The following ANP32B variants were observed in gnomAD, a reference collection of about 807,000 sequenced individuals.
ANP32B encodes acidic leucine-rich nuclear phosphoprotein 32 family member B.
ANP32B carries 6 observed loss-of-function variants against 32.2 expected under a neutral mutation model. The ratio of observed to expected loss-of-function variants is 0.19; its 90% CI spans 0.10 to 0.37. The LOEUF is 0.37. ANP32B is among the 10% of genes least tolerant of loss of function. The pLI, the probability that ANP32B is intolerant of heterozygous loss-of-function variation, is 1.00. For missense variants in ANP32B, 204 were observed against 289.2 expected (o/e 0.71, Z 2.14); for synonymous variants, 98 against 105.8 (o/e 0.93, Z 0.45).
chr9:97,985,221 G>C (rs912681572), intron 1 of ANP32B, among the ~76,000 whole-genome samples: 4 of 152,086 alleles, frequency 2.6e-5, no homozygotes, highest in African/African-American at 9.7e-5. Context: ...AGGTGGCTGT[G>C]GTTAACAAGT....
intron 2 of ANP32B, among the ~76,000 whole-genome samples, chr9:97,996,399 G>A (rs192010514): frequency 2.6e-5 from 4 of 152,158 alleles, no homozygotes; most frequent in African/African-American, 9.7e-5. Context: ...TTCTGAGAAG[G>A]ACAGGGTTTT....
chr9:97,983,719 C>A, intron 1 of ANP32B, 110 bp downstream of exon 1: 2 of 825,882 alleles, frequency 2.4e-6, no homozygotes, highest in Non-Finnish European at 3.4e-6. Context: ...GGGAAGAGCG[C>A]AGCTCGTGGG....
intron 4 of ANP32B, among the ~76,000 whole-genome samples, chr9:98,007,101 CAG>C (rs748678905): frequency 2.0e-4 from 31 of 152,200 alleles, no homozygotes; most frequent in Admixed American, 6.5e-4. Flanking sequence ...ACGTGAAAAA[CAG>C]AGGCAATTAT....
intron 6 of ANP32B, among the ~76,000 whole-genome samples, chr9:98,014,668 G>A (rs1564142908): frequency 6.6e-6 from 1 of 152,124 alleles, no homozygotes; most frequent in Non-Finnish European, 1.5e-5. Flanking sequence ...CCATTTTACA[G>A]ATGAAAAAGG....
intron 4 of ANP32B, among the ~76,000 whole-genome samples, chr9:98,008,201 C>A (rs1828120023): frequency 6.6e-6 from 1 of 152,106 alleles, no homozygotes; most frequent in Admixed American, 6.6e-5. Context: ...CATTCAGCCC[C>A]CACTTACAAG....
chr9:97,997,831 G>C (rs7855432), intron 2 of ANP32B, among the ~76,000 whole-genome samples: 574 of 152,142 alleles, frequency 3.8e-3, no homozygotes, highest in Non-Finnish European at 6.5e-3. Flanking sequence ...TCTACTCTAA[G>C]ATTCTAATAT....
intron 3 of ANP32B, among the ~76,000 whole-genome samples, chr9:98,004,205 A>T (rs959611751): frequency 6.6e-6 from 1 of 152,240 alleles, no homozygotes; most frequent in African/African-American, 2.4e-5. Context: ...CTGTTTTTAG[A>T]TAGATGAAAC....
chr9:97,983,411 ACGCCGCCCGCCACCCAGGACCG>A lies in ANP32B; in HGVS notation c.-137_-116del. Reference sequence around the variant, plus strand: ...CCGGGGGCTCCGCTCGCCTGCCCGCACGCCGCCCGCCACCCAGGACCGCGCCGCCGGCCTCCGCCGCTAGCAA... The same window carrying A: ...CCGGGGGCTCCGCTCGCCTGCCCGCACGCCGCCGGCCTCCGCCGCTAGCAA... On this transcript the variant is annotated 5_prime_UTR_variant, in exon 1 of 7. Coordinates refer to ENST00000339399, the MANE Select transcript of ANP32B (RefSeq NM_006401.3). The A allele has an allele frequency of 1.6e-6, 1 of 644,632 alleles. No homozygotes were observed. The highest frequency in any genetic ancestry group is 2.6e-6 in the Non-Finnish European group (1 of 386,328). The allele number at this position is 644,632 out of a possible 1,614,324, so 39.9% of individuals were successfully genotyped here.
intron 2 of ANP32B, among the ~76,000 whole-genome samples, chr9:97,997,513 G>C (rs1049805840): frequency 3.9e-5 from 6 of 152,158 alleles, no homozygotes. Context: ...AGCCTGCCTG[G>C]CTTCAAATCA....
At chr9:97,985,884 C>T (rs1242542053) in intron 1 of ANP32B, among the ~76,000 whole-genome samples, 1 of 152,100 alleles carries the variant, frequency 6.6e-6, no homozygotes, top group East Asian at 1.9e-4. Flanking sequence ...TGCAATGGCA[C>T]TATCTCGGCT....
In ANP32B at chr9:97,983,493, C is replaced by T; in HGVS notation, c.-63C>T. 7.0e-7 allele frequency: 1 copy of T among 1,423,070 alleles called. No homozygotes were observed. The highest frequency in any genetic ancestry group is 9.6e-7 in the Non-Finnish European group (1 of 1,041,794). The allele number at this position is 1,423,070 out of a possible 1,614,324, so 88.2% of individuals were successfully genotyped here. A position where few individuals can be genotyped will look rare whatever the true frequency, so the allele number is the denominator to read the frequency against. ...ACGGCCCTCGCTGCGCAAGCCGGGA[C>T]GCCTCTCCCCCCTCCGCCCCCGCCG... On this transcript the variant is annotated 5_prime_UTR_variant, in exon 1 of 7. In the 5' UTR this introduces an upstream ATG that the reference lacks. Coordinates refer to ENST00000339399, the MANE Select transcript of ANP32B (RefSeq NM_006401.3).
At chr9:97,984,849 C>A (rs996884399) in intron 1 of ANP32B, among the ~76,000 whole-genome samples, 1 of 150,392 alleles carries the variant, frequency 6.6e-6, no homozygotes, top group Non-Finnish European at 1.5e-5. Context: ...GCGCCGGGCG[C>A]GCGGGATTTT....
rs1828268099 is a variant in ANP32B at position 98,015,708 on chromosome 9, G to A, written c.*277G>A. 9.3e-7 allele frequency: 1 copy of A among 1,076,000 alleles called. No homozygotes were observed. The highest frequency in any genetic ancestry group is 1.1e-6 in the Non-Finnish European group (1 of 886,122). The allele number at this position is 1,076,000 out of a possible 1,614,324, so 66.7% of individuals were successfully genotyped here. ...TTCTTGCTGTAGCGTGGATAGCTGT[G>A]ATTGGTGAGTCAACCGTCTGTGGCT... is the stretch of plus-strand genomic sequence containing the variant. On this transcript the variant is annotated 3_prime_UTR_variant, in exon 7 of 7. Coordinates refer to ENST00000339399, the MANE Select transcript of ANP32B (RefSeq NM_006401.3).
chr9:97,997,634 G>T (rs1024489034), intron 2 of ANP32B, among the ~76,000 whole-genome samples: 1 of 152,242 alleles, frequency 6.6e-6, no homozygotes, highest in African/African-American at 2.4e-5. Context: ...GATCAGATGA[G>T]TTAAGGTATT....
chr9:98,015,048 T>C (rs1212924072), intron 6 of ANP32B, among the ~76,000 whole-genome samples: 2 of 152,236 alleles, frequency 1.3e-5, no homozygotes, highest in African/African-American at 2.4e-5. Flanking sequence ...CCAGTGGGCC[T>C]GACCAGCTCA....
rs1029702786 is a variant in ANP32B at position 97,994,497 on chromosome 9, T to A, written c.55-134T>A. On this transcript the variant is annotated intron_variant, in intron 1 of 6. Transcript: ENST00000339399. ...ATCAGTTTTTATCTTTTTATAACTA[T>A]GATCTAGGTCTAAGTAAGAGGCTGC... 5 of 745,622 alleles carry A rather than the reference T, an allele frequency of 6.7e-6. No homozygotes were observed. The African/African-American group carries it at 8.9e-5, about 13-fold the overall frequency. The allele number at this position is 745,622 out of a possible 1,614,324, so 46.2% of individuals were successfully genotyped here.
At position 98,012,449 on chromosome 9, in the gene ANP32B, A is replaced by G. The variant is rs1344592227; in HGVS notation, c.665A>G (p.Asp222Gly). ...GAAGAATTTGGACTTGATGAAGAAG[A>G]TGAAGATGAGGATGAGGATGAAGGT... ...EEEEFGLDEEDEDEDEDEEEE... is the reference protein window; with the variant it reads ...EEEEFGLDEEGEDEDEDEEEE... Residue 222 changes from aspartate to glycine, a missense_variant, in exon 6 of 7, where the codon GAT becomes GGT. Asp to Gly is a moderately conservative substitution (Grantham distance 94). Coordinates refer to ENST00000339399, the MANE Select transcript of ANP32B (RefSeq NM_006401.3). 3.7e-6 allele frequency: 6 copies of G among 1,611,556 alleles called. No individual in the cohort carries two copies. Among genetic ancestry groups the G allele is most frequent in the African/African-American group, 2.7e-5 (2 of 74,856 alleles).
chr9:98,008,664 A>T (rs1388535664), intron 4 of ANP32B, among the ~76,000 whole-genome samples: 4 of 152,132 alleles, frequency 2.6e-5, no homozygotes, highest in Non-Finnish European at 5.9e-5. Context: ...AACCAAAACA[A>T]GATTATGGAG....
At chr9:98,011,713 T>C (rs1314542640) in intron 5 of ANP32B, among the ~76,000 whole-genome samples, 1 of 152,210 alleles carries the variant, frequency 6.6e-6, no homozygotes, top group African/African-American at 2.4e-5. Context: ...GTTCCTTCAT[T>C]GAATTGTAGG....
Sources: gnomAD v4.1 joint callset for allele counts (sites outside exome capture counted in the v4.1 genomes callset) on GRCh38, gnomAD v4.1.1 for gene constraint, MANE v1.5 for transcripts, NCBI Gene and HGNC (gene_info 2026-07-23, HGNC 2026-07-21) for gene names.